PARP6: variants seen among roughly 807,000 people sequenced by gnomAD.
PARP6 encodes poly(ADP-ribose) polymerase family member 6, also known as protein mono-ADP-ribosyltransferase PARP6.
Under a neutral mutation model 92.0 loss-of-function variants are expected in PARP6, and 27 were observed. The ratio of observed to expected loss-of-function variants is 0.29; its 90% confidence interval spans 0.22 to 0.40. PARP6 has a LOEUF of 0.40. PARP6 is among the 10% of genes least tolerant of loss of function. The pLI is 1.00. For missense variants in PARP6, 501 were observed against 784.5 expected, an observed-to-expected ratio of 0.64 and a Z score of 4.32; for synonymous variants, 272 against 281.2, an observed-to-expected ratio of 0.97 and a Z score of 0.33.
chr15:72,253,619 C>A, intron 15 of PARP6, 115 bp from the exon 16 acceptor site: 1 of 826,396 alleles, frequency 1.2e-6, no homozygotes, highest in Admixed American at 2.0e-5. Flanking sequence ...AAAGGCCACA[C>A]AGAGGAAAAA....
Position 72,242,677 on chromosome 15 carries a change from C to T in PARP6, c.1584G>A (p.Arg528=), listed in dbSNP as rs754700239. Residue 528 remains arginine, a synonymous_variant, in exon 21 of 24, where the codon AGG becomes AGA. Transcript: ENST00000569795. The surrounding 1 kb of genome is among the most constrained non-coding windows in gnomAD (Gnocchi z 4.3). ...GGACCAGCTCATCCTTGGAGGGCAT[C>T]CTGTGCTGTCCTTTTCCCATTCCTG... ...GYSGMGKGQH[R]MPSKDELVQR... 6.2e-7 allele frequency: 1 copy of T among 1,609,308 alleles called. No homozygotes were observed. The highest frequency in any genetic ancestry group is 1.7e-5 in the Admixed American group (1 of 59,024).
chr15:72,257,255 G>T, intron 13 of PARP6, 93 bp downstream of exon 13: 1 of 908,498 alleles, frequency 1.1e-6, no homozygotes, highest in Non-Finnish European at 1.8e-6. Flanking sequence ...ATATACAAAA[G>T]CATTTTTGGA....
intron 20 of PARP6, among the ~76,000 whole-genome samples, chr15:72,248,858 G>T (rs1480045139): frequency 6.6e-6 from 1 of 152,210 alleles, no homozygotes; most frequent in African/African-American, 2.4e-5. Flanking sequence ...TAAGCCAATG[G>T]AAAGGACGCA....
intron 8 of PARP6, among the ~76,000 whole-genome samples, chr15:72,263,481 G>A (rs2086162440): frequency 2.0e-5 from 3 of 152,020 alleles, no homozygotes; most frequent in South Asian, 4.1e-4. Context: ...ATCTGACCAC[G>A]TCATTTCTTT....
At chr15:72,259,033 A>T (rs1356987321) in intron 11 of PARP6, among the ~76,000 whole-genome samples, 1 of 152,258 alleles carries the variant, frequency 6.6e-6, no homozygotes, top group Non-Finnish European at 1.5e-5. Flanking sequence ...CAGGTGCCAT[A>T]TGAAACAAAA....
At chr15:72,257,291 T>A in intron 13 of PARP6, 57 bp downstream of exon 13, 2 of 1,201,014 alleles carry the variant, frequency 1.7e-6, no homozygotes, top group Non-Finnish European at 2.5e-6. Context: ...ATGAAATTGC[T>A]GGGTTCCTCT....
intron 8 of PARP6, among the ~76,000 whole-genome samples, chr15:72,263,096 C>T (rs1432551442): frequency 1.3e-5 from 2 of 152,156 alleles, no homozygotes; most frequent in African/African-American, 4.8e-5. Flanking sequence ...AATAACATGT[C>T]AAAAATGGAA....
chr15:72,254,406 A>G, intron 15 of PARP6, 49 bp downstream of exon 15: 2 of 1,301,402 alleles, frequency 1.5e-6, no homozygotes, highest in East Asian at 4.6e-5. Flanking sequence ...AGAATAGGAC[A>G]CTTGAACTGG....
chr15:72,254,394 ACAG>A, intron 15 of PARP6, 58 bp downstream of exon 15: 1 of 1,202,376 alleles, frequency 8.3e-7, no homozygotes. Flanking sequence ...CAAATTACCA[ACAG>A]AATAGGACAC....
chr15:72,251,252 G>A lies in PARP6; in HGVS notation c.1263C>T (p.Ile421=). Residue 421 remains isoleucine (I), a synonymous_variant, in exon 17 of 24, where the codon ATC becomes ATT. Transcript: ENST00000569795. ...CAATGTGTGACCTGTTGCTAGAGAT[G>A]ATCCTGGGAAGAAACAGAAAAAAAT... ...DPLAHPLLQW[I]ISSNRSHIVK... 6.3e-7 allele frequency: 1 copy of A among 1,583,724 alleles called. No homozygotes were observed. The highest frequency in any genetic ancestry group is 1.1e-5 in the South Asian group (1 of 89,852).
At chr15:72,253,022 A>C (rs1404257039) in intron 16 of PARP6, among the ~76,000 whole-genome samples, 2 of 151,840 alleles carry the variant, frequency 1.3e-5, no homozygotes. Context: ...TCTATTAAAA[A>C]AAAAAAATTA....
rs938691567 is a variant in PARP6 at position 72,261,471 on chromosome 15, G to A, written c.545+87C>T. ...AAGAGACAGAATTCAGGGAAGAGAG[G>A]GGATAGAAACATTTATGTAATCAAG... On this transcript the variant is annotated intron_variant, in intron 9 of 23. Transcript: ENST00000569795. 2.5e-6 allele frequency: 3 copies of A among 1,184,356 alleles called. No homozygotes were observed. The Admixed American group carries it at 5.5e-5, about 22-fold the overall frequency. The allele number at this position is 1,184,356 out of a possible 1,614,324, so 73.4% of individuals were successfully genotyped here. A position where few individuals can be genotyped will look rare whatever the true frequency, so the allele number is the denominator to read the frequency against.
intron 4 of PARP6, 22 bp from the exon 5 acceptor site, chr15:72,266,013 TG>T (rs1382019804): frequency 1.3e-6 from 2 of 1,519,942 alleles, no homozygotes; most frequent in Non-Finnish European, 1.8e-6. Flanking sequence ...GCAAAAATGG[TG>T]GTGGAGAGAG....
At chr15:72,258,227 T>C in intron 11 of PARP6, 95 bp from the exon 12 acceptor site, 1 of 875,068 alleles carries the variant, frequency 1.1e-6, no homozygotes, top group South Asian at 1.3e-5. Context: ...CCCTCCATCC[T>C]CCCAGCCCCG....
chr15:72,264,597 G>A lies in PARP6; in HGVS notation c.353C>T (p.Pro118Leu), dbSNP rs770183889. The A allele has an allele frequency of 6.2e-7, 1 of 1,613,924 alleles. No individual in the cohort carries two copies. The highest frequency in any genetic ancestry group is 1.7e-5 in the Admixed American group (1 of 60,000). Residue 118 changes from proline (P) to leucine (L), a missense_variant, in exon 8 of 24, where the codon CCA (proline) becomes CTA (leucine). Pro to Leu is a moderately conservative substitution (Grantham distance 98, BLOSUM62 -3). Around this residue, in one of 4 missense-constraint regions of PARP6, gnomAD observed 291 missense variants for 352.0 expected, o/e 0.83. Coordinates refer to ENST00000569795, the MANE Select transcript of PARP6 (RefSeq NM_001323532.2). ...CAGCCCAAATCCTTCCTTATTTGAT[G>A]GCTGGAAAACCTCAATGGATGGTTC... The part of the protein sequence containing the change: ...GPEPSIEVFQ[P>L]SNKEGFGLGL...
chr15:72,241,427 C>A lies in PARP6; in HGVS notation c.*28G>T. The A allele has an allele frequency of 6.7e-7, 1 of 1,487,952 alleles. No homozygotes were observed. The highest frequency in any genetic ancestry group is 1.1e-5 in the South Asian group (1 of 88,498). The allele number at this position is 1,487,952 out of a possible 1,614,324, so 92.2% of individuals were successfully genotyped here. ...TGAGGGCAGATGGATCCTGGGGTAA[C>A]AGGGGTGGTACGAGGGCTGGGGCCC... On this transcript the variant is annotated 3_prime_UTR_variant, in exon 24 of 24. Coordinates refer to ENST00000569795, the MANE Select transcript of PARP6 (RefSeq NM_001323532.2). The surrounding 1 kb of genome is among the most constrained non-coding windows in gnomAD (Gnocchi z 4.1).
At chr15:72,257,525 A>G in intron 12 of PARP6, 85 bp from the exon 13 acceptor site, 1 of 1,043,184 alleles carries the variant, frequency 9.6e-7, no homozygotes, top group East Asian at 2.4e-5. Flanking sequence ...ACCTCAGACA[A>G]CTCTAAAACA....
Position 72,241,379 on chromosome 15 carries a change from G to T in PARP6, c.*76C>A. ...CCCTTGATTCCTCAGGGCAGCCTCA[G>T]CTGCTGTACCTGAACACTTTTATGA... On this transcript the variant is annotated 3_prime_UTR_variant, in exon 24 of 24. Coordinates refer to ENST00000569795, the MANE Select transcript of PARP6 (RefSeq NM_001323532.2). The surrounding 1 kb of genome is among the most constrained non-coding windows in gnomAD (Gnocchi z 4.1). 9.7e-7 allele frequency: 1 copy of T among 1,026,636 alleles called. No homozygotes were observed. The highest frequency in any genetic ancestry group is 1.5e-6 in the Non-Finnish European group (1 of 652,414). 63.6% of individuals were successfully genotyped at this position (1,026,636 alleles called of 1,614,324 possible).
rs2140866843 is a variant in PARP6 at position 72,241,735 on chromosome 15, T to G, written c.1790+166A>C. 6.6e-6 allele frequency among the ~76,000 whole-genome samples: 1 copy of G among 152,288 alleles called. No individual in the cohort carries two copies. The highest frequency in any genetic ancestry group is 2.1e-4 in the South Asian group (1 of 4,818). Reference sequence around the variant, plus strand: ...GTTTCCTCTAGATAGATCCCAACCATCTATACCCATTCCCATCCTCCAATG... The same window carrying G: ...GTTTCCTCTAGATAGATCCCAACCAGCTATACCCATTCCCATCCTCCAATG... On this transcript the variant is annotated intron_variant, in intron 23 of 23. Transcript: ENST00000569795. This position sits in a 1 kb window ranked among gnomAD's most constrained non-coding sequence, Gnocchi z 4.1.
Sources: gnomAD v4.1 joint callset for allele counts (sites outside exome capture counted in the v4.1 genomes callset) on GRCh38, gnomAD v4.1.1 for gene constraint, gnomAD v4.1.1 regional missense constraint, Gnocchi (gnomAD v3.1) non-coding constraint, MANE v1.5 for transcripts, NCBI Gene and HGNC (gene_info 2026-07-23, HGNC 2026-07-21) for gene names.